Variants in KCNA6 observed in about 807,000 individuals in gnomAD.
KCNA6 encodes human brain potassium channel-2.
In KCNA6, 17 loss-of-function variants were observed where a neutral mutation model predicts 29.5. The ratio of observed to expected loss-of-function variants is 0.58; its 90% CI spans 0.39 to 0.86. KCNA6 has a LOEUF of 0.86. Among genes scored for constraint, KCNA6 ranks in the 40% least tolerant of loss-of-function variants. The pLI is 0.00. For missense variants in KCNA6, 450 were observed against 703.4 expected (o/e 0.64, Z 4.07); for synonymous variants, 296 against 304.7 (o/e 0.97, Z 0.30).
the KCNA6 span, among the ~76,000 whole-genome samples, chr12:4,839,890 A>T: frequency 1.4e-3 from 220 of 152,266 alleles, 1 homozygote; most frequent in Non-Finnish European, 2.3e-3. Context: ...AGTTTGTGTG[A>T]CTCCAAAGGC....
chr12:4,835,942 T>TG, the KCNA6 span, among the ~76,000 whole-genome samples: 20 of 150,142 alleles, frequency 1.3e-4, no homozygotes, highest in South Asian at 6.4e-4. Flanking sequence ...CTGTTTTTTT[T>TG]TTTTTTTTTT....
chr12:4,842,847 C>G, the KCNA6 span, among the ~76,000 whole-genome samples: 11 of 152,122 alleles, frequency 7.2e-5, no homozygotes, highest in African/African-American at 2.4e-4. Context: ...GTGAAAGTAT[C>G]AGTCTGGCCA....
At chr12:4,827,800 G>A in the KCNA6 span, among the ~76,000 whole-genome samples, 43,609 of 152,080 alleles carry the variant, frequency 0.29, 6,588 homozygotes, top group African/African-American at 0.38. Flanking sequence ...GCTGCTTTTC[G>A]GTGTGTGTTC....
At chr12:4,831,867 C>G in the KCNA6 span, among the ~76,000 whole-genome samples, 1 of 152,138 alleles carries the variant, frequency 6.6e-6, no homozygotes, top group Non-Finnish European at 1.5e-5. Flanking sequence ...CTCCGAGTCA[C>G]TAGTATTGAG....
At chr12:4,823,396 A>C in the KCNA6 span, among the ~76,000 whole-genome samples, 20 of 144,964 alleles carry the variant, frequency 1.4e-4, no homozygotes, top group Non-Finnish European at 2.2e-4. Flanking sequence ...ATTGCTGATC[A>C]GACTTGAAAG....
At chr12:4,837,031 A>G in the KCNA6 span, among the ~76,000 whole-genome samples, 1 of 152,186 alleles carries the variant, frequency 6.6e-6, no homozygotes, top group African/African-American at 2.4e-5. Flanking sequence ...GGTCACTGAA[A>G]AGACCAAGGC....
At chr12:4,816,632 T>C (rs906643827), downstream of KCNA6, among the ~76,000 whole-genome samples, 2 of 152,276 alleles carry the variant, frequency 1.3e-5, no homozygotes, top group South Asian at 2.1e-4. Flanking sequence ...TTATCTACTA[T>C]GGTTATTATT....
the KCNA6 span, among the ~76,000 whole-genome samples, chr12:4,845,984 G>GTTTTTTTTTTTTT: frequency 7.7e-6 from 1 of 129,486 alleles, no homozygotes; most frequent in Non-Finnish European, 1.6e-5. Flanking sequence ...GAATTTTAGA[G>GTTTTTTTTTTTTT]TTTTTTTTTT....
chr12:4,850,318 G>A, the KCNA6 span, among the ~76,000 whole-genome samples: 1 of 152,172 alleles, frequency 6.6e-6, no homozygotes, highest in Non-Finnish European at 1.5e-5. The surrounding 1 kb of genome is among the most constrained non-coding windows in gnomAD (Gnocchi z 5.4). Flanking sequence ...CCTCGACCAT[G>A]TGGATGGTGG....
the KCNA6 span, among the ~76,000 whole-genome samples, chr12:4,841,118 G>A: frequency 9.2e-5 from 14 of 152,250 alleles, no homozygotes; most frequent in African/African-American, 2.9e-4. Flanking sequence ...AATTGCACAA[G>A]GAGTATAAAC....
chr12:4,848,571 G>A, the KCNA6 span, among the ~76,000 whole-genome samples: 2 of 151,078 alleles, frequency 1.3e-5, no homozygotes, highest in Admixed American at 6.6e-5. Flanking sequence ...TTTTGCTCTT[G>A]TTGCCCAGGC....
the KCNA6 span, among the ~76,000 whole-genome samples, chr12:4,827,227 T>TCCTTCCTTCCTCCTTCCTTCCTTC: frequency 8.1e-6 from 1 of 123,576 alleles, no homozygotes; most frequent in Non-Finnish European, 1.7e-5. Flanking sequence ...CTTCCTTCCT[T>TCCTTCCTTCCTCCTTCCTTCCTTC]CCTCCTTCCT....
chr12:4,830,183 C>G, the KCNA6 span, among the ~76,000 whole-genome samples: 41 of 152,182 alleles, frequency 2.7e-4, no homozygotes, highest in Admixed American at 2.6e-3. Context: ...TCCCACTTAA[C>G]GGTTAGGTCA....
the KCNA6 span, among the ~76,000 whole-genome samples, chr12:4,822,940 G>A: frequency 9.5e-4 from 144 of 152,340 alleles, 1 homozygote; most frequent in South Asian, 2.1e-4. Flanking sequence ...CTTATTGGCC[G>A]AAAGCTAAAT....
the KCNA6 span, among the ~76,000 whole-genome samples, chr12:4,826,940 A>G: frequency 2.0e-5 from 3 of 152,176 alleles, no homozygotes; most frequent in African/African-American, 7.2e-5. Flanking sequence ...GAGAGACAAT[A>G]GTTTTTATCT....
chr12:4,813,698 G>A (rs1220490737), downstream of KCNA6: 2 of 167,034 alleles, frequency 1.2e-5, no homozygotes, highest in Non-Finnish European at 1.5e-5. Flanking sequence ...CCTGCTCTGA[G>A]GTCAGAAAGT....
At chr12:4,836,956 TC>T in the KCNA6 span, among the ~76,000 whole-genome samples, 1 of 152,232 alleles carries the variant, frequency 6.6e-6, no homozygotes, top group Non-Finnish European at 1.5e-5. Flanking sequence ...CAGAGTGATT[TC>T]TTTTTGTATG....
chr12:4,818,310 C>T (rs530572933), downstream of KCNA6, among the ~76,000 whole-genome samples: 5 of 152,308 alleles, frequency 3.3e-5, no homozygotes, highest in Admixed American at 2.0e-4. Context: ...AGACATCGTG[C>T]GATTTAACAA....
chr12:4,828,667 C>T, the KCNA6 span, among the ~76,000 whole-genome samples: 7 of 152,204 alleles, frequency 4.6e-5, no homozygotes, highest in South Asian at 2.1e-4. Context: ...CGCATTTAAT[C>T]GTCCCAGTTG....
Sources: gnomAD v4.1 joint callset for allele counts (sites outside exome capture counted in the v4.1 genomes callset) on GRCh38, gnomAD v4.1.1 for gene constraint, Gnocchi (gnomAD v3.1) non-coding constraint, MANE v1.5 for transcripts, NCBI Gene and HGNC (gene_info 2026-07-23, HGNC 2026-07-21) for gene names.